The following GOLPH3 variants were observed in gnomAD, a reference collection of about 807,000 sequenced individuals.
The protein encoded by GOLPH3 is coat protein GPP34.
In GOLPH3, 14 loss-of-function variants were observed where a neutral mutation model predicts 28.5. That is an observed-to-expected ratio of 0.49 (90% CI 0.32 to 0.77). The LOEUF is 0.77. Ranked by LOEUF, GOLPH3 falls within the 30% of genes least tolerant of loss-of-function variation. The pLI is 0.03. For synonymous variants in GOLPH3, 158 were observed against 159.2 expected (o/e 0.99, Z 0.06); for missense variants, 350 against 393.7 (o/e 0.89, Z 0.94).
chr5:32,155,538 A>G (rs115381322), intron 1 of GOLPH3, among the ~76,000 whole-genome samples: 1 of 152,134 alleles, frequency 6.6e-6, no homozygotes, highest in African/African-American at 2.4e-5. Flanking sequence ...GTTACCAAAA[A>G]AACTAAGCCA....
intron 1 of GOLPH3, among the ~76,000 whole-genome samples, chr5:32,157,670 T>TA (rs1371171184): frequency 7.0e-4 from 106 of 152,244 alleles, no homozygotes; most frequent in African/African-American, 2.4e-3. Flanking sequence ...GTCTCCAACT[T>TA]AAACTAAACC....
chr5:32,138,922 G>C (rs1745997488), intron 2 of GOLPH3, among the ~76,000 whole-genome samples: 1 of 152,246 alleles, frequency 6.6e-6, no homozygotes, highest in Admixed American at 6.5e-5. Context: ...AGGAGAAAAA[G>C]TTACATCTAA....
chr5:32,173,748 G>A, intron 1 of GOLPH3, 62 bp downstream of exon 1: 1 of 1,207,056 alleles, frequency 8.3e-7, no homozygotes, highest in Non-Finnish European at 1.1e-6. Flanking sequence ...GCACCTACCT[G>A]GAGCTCACCT....
chr5:32,132,438 C>T (rs1745843389), intron 3 of GOLPH3, among the ~76,000 whole-genome samples: 1 of 152,108 alleles, frequency 6.6e-6, no homozygotes, highest in Non-Finnish European at 1.5e-5. Context: ...CTAATCTAAG[C>T]TCCACTTCCT....
chr5:32,171,863 G>A (rs1238244744), intron 1 of GOLPH3, among the ~76,000 whole-genome samples: 1 of 151,834 alleles, frequency 6.6e-6, no homozygotes, highest in Non-Finnish European at 1.5e-5. Context: ...CAGGAGAATC[G>A]CTTGAACCCG....
chr5:32,166,976 A>G (rs1443690079), intron 1 of GOLPH3, among the ~76,000 whole-genome samples: 2 of 150,204 alleles, frequency 1.3e-5, no homozygotes, highest in Non-Finnish European at 3.0e-5. Flanking sequence ...AGGGGGGGGG[A>G]GTTTGCAAAG....
At chr5:32,128,838 G>A (rs1266908671) in intron 3 of GOLPH3, among the ~76,000 whole-genome samples, 1 of 151,536 alleles carries the variant, frequency 6.6e-6, no homozygotes, top group Non-Finnish European at 1.5e-5. Context: ...TTGCAAAGCA[G>A]CAAAAAAGTG....
At chr5:32,134,140 A>G (rs1361800165) in intron 3 of GOLPH3, among the ~76,000 whole-genome samples, 1 of 152,186 alleles carries the variant, frequency 6.6e-6, no homozygotes, top group Admixed American at 6.5e-5. Flanking sequence ...GGAAGCCTTG[A>G]TGAAGCACCA....
chr5:32,155,956 C>CAAAAAAAAAAAAAAAAA (rs70961608), intron 1 of GOLPH3, among the ~76,000 whole-genome samples: 1 of 47,818 alleles, frequency 2.1e-5, no homozygotes, highest in East Asian at 1.0e-3. Context: ...AACACTGTCT[C>CAAAAAAAAAAAAAAAAA]AAAAAAAAAA....
At chr5:32,155,735 A>G (rs1436408299) in intron 1 of GOLPH3, among the ~76,000 whole-genome samples, 2 of 151,998 alleles carry the variant, frequency 1.3e-5, no homozygotes, top group Admixed American at 1.3e-4. Context: ...AGGCAGGCAG[A>G]TCACCTGAGG....
chr5:32,141,443 CAACA>C (rs1237239860), intron 2 of GOLPH3, among the ~76,000 whole-genome samples: 4 of 152,334 alleles, frequency 2.6e-5, no homozygotes, highest in South Asian at 2.1e-4. Context: ...CACAGACCTT[CAACA>C]GACAGGTATC....
intron 3 of GOLPH3, among the ~76,000 whole-genome samples, chr5:32,129,503 G>A (rs1424055662): frequency 6.6e-6 from 1 of 152,032 alleles, no homozygotes; most frequent in East Asian, 1.9e-4. Flanking sequence ...TAACCCTGTA[G>A]GAATTTAAAA....
At chr5:32,167,719 G>A (rs918159956) in intron 1 of GOLPH3, among the ~76,000 whole-genome samples, 6 of 148,606 alleles carry the variant, frequency 4.0e-5, no homozygotes, top group Non-Finnish European at 9.1e-5. Context: ...GGGAGGCCAA[G>A]GCGGGAAGAT....
At chr5:32,127,977 A>G (rs2111832580) in intron 3 of GOLPH3, among the ~76,000 whole-genome samples, 1 of 152,088 alleles carries the variant, frequency 6.6e-6, no homozygotes, top group South Asian at 2.1e-4. Flanking sequence ...AGCAGAGCAC[A>G]GCAGTCCCAT....
intron 3 of GOLPH3, among the ~76,000 whole-genome samples, chr5:32,130,049 G>C (rs184635500): frequency 2.5e-4 from 38 of 152,222 alleles, no homozygotes; most frequent in African/African-American, 8.4e-4. Context: ...CACCGTGTTA[G>C]CCAGGATGGT....
At chr5:32,158,151 AC>A (rs1746495513) in intron 1 of GOLPH3, among the ~76,000 whole-genome samples, 1 of 150,756 alleles carries the variant, frequency 6.6e-6, no homozygotes, top group Non-Finnish European at 1.5e-5. Flanking sequence ...ACACACACAC[AC>A]ACACACACAC....
chr5:32,128,515 C>T (rs902980188), intron 3 of GOLPH3, among the ~76,000 whole-genome samples: 4 of 151,924 alleles, frequency 2.6e-5, no homozygotes, highest in Non-Finnish European at 4.4e-5. Context: ...AAAAATTAGC[C>T]GGGCATCGTG....
intron 3 of GOLPH3, among the ~76,000 whole-genome samples, chr5:32,132,533 G>T (rs747876065): frequency 1.3e-5 from 2 of 152,082 alleles, no homozygotes; most frequent in Non-Finnish European, 2.9e-5. Context: ...ACTCTCATCT[G>T]TTCTATCAAA....
chr5:32,173,722 C>G, intron 1 of GOLPH3, 88 bp downstream of exon 1: 1 of 973,464 alleles, frequency 1.0e-6, no homozygotes. Context: ...GGCCGGAAGC[C>G]TCGGGCGCTC....
Sources: gnomAD v4.1 joint callset for allele counts (sites outside exome capture counted in the v4.1 genomes callset) on GRCh38, gnomAD v4.1.1 for gene constraint, MANE v1.5 for transcripts, NCBI Gene and HGNC (gene_info 2026-07-23, HGNC 2026-07-21) for gene names.